TLL1: variants seen among roughly 807,000 people sequenced by gnomAD.
TLL1 encodes the protein tolloid like 1.
In TLL1, 49 loss-of-function variants were observed where a neutral mutation model predicts 128.2. The observed-to-expected ratio is 0.38, with a 90% confidence interval of 0.30 to 0.48. The LOEUF (loss-of-function observed/expected upper bound fraction) is 0.48, where lower values mean the gene tolerates loss of function less well. Ranked by LOEUF, TLL1 falls within the 20% of genes least tolerant of loss-of-function variation. The pLI is 0.96. For synonymous variants in TLL1, 454 were observed against 418.8 expected, an observed-to-expected ratio of 1.08 and a Z score of -1.03; for missense variants, 1,123 against 1,242.0, an observed-to-expected ratio of 0.90 and a Z score of 1.44.
chr4:166,098,677 C>T (rs754729151), intron 19 of TLL1, among the ~76,000 whole-genome samples: 3 of 151,890 alleles, frequency 2.0e-5, no homozygotes, highest in Non-Finnish European at 4.4e-5. Flanking sequence ...ATATTTCTAT[C>T]GAAGTAAAAT....
At chr4:165,961,331 G>A (rs1414581481) in intron 1 of TLL1, among the ~76,000 whole-genome samples, 2 of 151,744 alleles carry the variant, frequency 1.3e-5, no homozygotes, top group Admixed American at 6.6e-5. Context: ...TGTCACAAAC[G>A]AATGGAAAAA....
At chr4:165,885,786 A>G (rs1406418643) in intron 1 of TLL1, among the ~76,000 whole-genome samples, 3 of 152,194 alleles carry the variant, frequency 2.0e-5, no homozygotes, top group Admixed American at 1.3e-4. Flanking sequence ...GTTTGAGGTC[A>G]GTGTTCATAA....
intron 7 of TLL1, among the ~76,000 whole-genome samples, chr4:166,013,419 A>T (rs1261407199): frequency 1.3e-5 from 2 of 151,898 alleles, no homozygotes; most frequent in Admixed American, 6.6e-5. Flanking sequence ...CTTTTAATGC[A>T]AGCGTTAGTT....
At chr4:166,048,435 T>C (rs1739563418) in intron 12 of TLL1, among the ~76,000 whole-genome samples, 1 of 152,150 alleles carries the variant, frequency 6.6e-6, no homozygotes, top group Non-Finnish European at 1.5e-5. Flanking sequence ...TCATAGCATC[T>C]GGAATGGACT....
rs371592673 is a variant in TLL1 at position 166,101,350 on chromosome 4, T to C, written c.*474T>C. On this transcript the variant is annotated 3_prime_UTR_variant, in exon 21 of 21. Coordinates refer to ENST00000061240, the MANE Select transcript of TLL1 (RefSeq NM_012464.5). ...CAGTGTAAACCAGATCCATATAAGG[T>C]GAATGTGAAATGGGAGTCTTCTGAG... 764 of 175,176 alleles carry C rather than the reference T, an allele frequency of 4.4e-3. 7 individuals carry two copies. Among genetic ancestry groups the C allele is most frequent in the African/African-American group, 0.017 (693 of 41,708 alleles). 10.9% of individuals were successfully genotyped at this position (175,176 alleles called of 1,614,324 possible).
At chr4:165,888,136 T>C (rs1579443655) in intron 1 of TLL1, among the ~76,000 whole-genome samples, 1 of 152,170 alleles carries the variant, frequency 6.6e-6, no homozygotes, top group Non-Finnish European at 1.5e-5. Context: ...ATTTAATTAT[T>C]TTTTTGCTGT....
At chr4:165,987,297 G>A (rs1040977905) in intron 1 of TLL1, among the ~76,000 whole-genome samples, 7 of 152,068 alleles carry the variant, frequency 4.6e-5, no homozygotes, top group Admixed American at 3.9e-4. Context: ...CTTAAAAAGT[G>A]TAAAATGTAT....
At chr4:165,964,237 GT>G (rs1735260951) in intron 1 of TLL1, among the ~76,000 whole-genome samples, 1 of 152,146 alleles carries the variant, frequency 6.6e-6, no homozygotes, top group Non-Finnish European at 1.5e-5. Context: ...ATCTTCATCA[GT>G]TTTTCAAAAT....
At chr4:166,078,502 A>G (rs1415755442) in intron 18 of TLL1, among the ~76,000 whole-genome samples, 1 of 152,164 alleles carries the variant, frequency 6.6e-6, no homozygotes, top group Non-Finnish European at 1.5e-5. Flanking sequence ...TTATTTTTGC[A>G]TGATGTATTG....
intron 16 of TLL1, among the ~76,000 whole-genome samples, chr4:166,066,235 T>G (rs1740570935): frequency 6.6e-6 from 1 of 151,582 alleles, no homozygotes; most frequent in African/African-American, 2.4e-5. Context: ...AGCCTCATCA[T>G]TATAGAAATG....
intron 1 of TLL1, among the ~76,000 whole-genome samples, chr4:165,987,623 G>A (rs1033320233): frequency 6.6e-6 from 1 of 152,026 alleles, no homozygotes; most frequent in African/African-American, 2.4e-5. Context: ...TCTAATTATA[G>A]TAAAGATTTT....
At chr4:165,883,589 C>G (rs2110815907) in intron 1 of TLL1, among the ~76,000 whole-genome samples, 1 of 152,276 alleles carries the variant, frequency 6.6e-6, no homozygotes, top group Non-Finnish European at 1.5e-5. Context: ...ATCGCTTTTT[C>G]TGGAACATAA....
In TLL1 at chr4:166,012,129, G is replaced by A. The variant is rs570927653; in HGVS notation, c.918-2307G>A. Among the ~76,000 whole-genome samples the A allele has an allele frequency of 1.3e-4, 19 of 151,508 alleles. No homozygotes were observed. The East Asian group carries it at 2.3e-3, about 19-fold the overall frequency. On this transcript the variant is annotated intron_variant, in intron 7 of 20. Coordinates refer to ENST00000061240, the MANE Select transcript of TLL1 (RefSeq NM_012464.5). The stretch of plus-strand genomic sequence containing the variant: ...CTGCCCATTTTTCATTTAAAAAGTC[G>A]TAAAATTTTACAAATTTTTGTTAAA...
At chr4:165,903,328 A>T (rs1214895474) in intron 1 of TLL1, among the ~76,000 whole-genome samples, 1 of 151,620 alleles carries the variant, frequency 6.6e-6, no homozygotes, top group Non-Finnish European at 1.5e-5. Flanking sequence ...ACAGAGCAAG[A>T]CTCTGTCTCA....
chr4:166,092,048 A>AT (rs5863799), intron 19 of TLL1, among the ~76,000 whole-genome samples: 30 of 2,808 alleles, frequency 0.011, no homozygotes, highest in Non-Finnish European at 0.077. Context: ...TTAAGACAGT[A>AT]TATCAGTTAA....
intron 17 of TLL1, among the ~76,000 whole-genome samples, chr4:166,077,387 T>G (rs1162827318): frequency 6.6e-6 from 1 of 152,108 alleles, no homozygotes; most frequent in Non-Finnish European, 1.5e-5. Flanking sequence ...TTTTAGAAGC[T>G]AAAATTATGA....
chr4:166,083,537 C>T lies in TLL1; in HGVS notation c.2442+5507C>T. Among the ~76,000 whole-genome samples, 2 of 123,016 alleles carry T rather than the reference C, an allele frequency of 1.6e-5. 1 individual carries two copies. Among genetic ancestry groups the T allele is most frequent in the Non-Finnish European group, 3.8e-5 (2 of 52,300 alleles). The allele number at this position is 123,016 out of a possible 152,430, so 80.7% of individuals were successfully genotyped here. A position where few individuals can be genotyped will look rare whatever the true frequency, so the allele number is the denominator to read the frequency against. ...TTTTTTGACTGACATCTACTCAACCCTTTCCCATCTCAACCACCCTAGCCT... is the reference window on the plus strand; with the variant it reads ...TTTTTTGACTGACATCTACTCAACCTTTTCCCATCTCAACCACCCTAGCCT... On this transcript the variant is annotated intron_variant, in intron 18 of 20. Coordinates refer to ENST00000061240, the MANE Select transcript of TLL1 (RefSeq NM_012464.5).
At chr4:165,923,051 G>T (rs779625718) in intron 1 of TLL1, among the ~76,000 whole-genome samples, 7 of 152,168 alleles carry the variant, frequency 4.6e-5, no homozygotes, top group Non-Finnish European at 7.4e-5. Flanking sequence ...CTGAGCCAAA[G>T]AATTATAAAC....
chr4:166,055,044 C>G, intron 12 of TLL1, 32 bp from the exon 13 acceptor site: 1 of 1,578,140 alleles, frequency 6.3e-7, no homozygotes, highest in South Asian at 1.1e-5. Flanking sequence ...TATCTATAAA[C>G]ATATATTTTC....
Sources: gnomAD v4.1 joint callset for allele counts (sites outside exome capture counted in the v4.1 genomes callset) on GRCh38, gnomAD v4.1.1 for gene constraint, MANE v1.5 for transcripts, NCBI Gene and HGNC (gene_info 2026-07-23, HGNC 2026-07-21) for gene names.